The following CIMAP1D variants were observed in gnomAD, a reference collection of about 807,000 sequenced individuals.
CIMAP1D encodes protein CIMAP1D.
chr19:464,304 T>C, the CIMAP1D span: 4 of 1,541,298 alleles, frequency 2.6e-6, no homozygotes, highest in South Asian at 1.2e-5. Context: ...CGGTGTCCGA[T>C]GGCGCACAGG....
the CIMAP1D span, chr19:474,743 C>T: frequency 1.3e-6 from 2 of 1,530,262 alleles, no homozygotes; most frequent in South Asian, 2.5e-5. Flanking sequence ...GCTGAGGGTC[C>T]CCATGGTGGG....
the CIMAP1D span, among the ~76,000 whole-genome samples, chr19:475,606 C>T: frequency 6.6e-6 from 1 of 152,144 alleles, no homozygotes; most frequent in Non-Finnish European, 1.5e-5. Flanking sequence ...GAGAGCCGTC[C>T]TCACTGCCTC....
chr19:475,140 G>A, the CIMAP1D span, among the ~76,000 whole-genome samples: 4 of 152,184 alleles, frequency 2.6e-5, no homozygotes, highest in Non-Finnish European at 5.9e-5. Flanking sequence ...AGGGCCTGGC[G>A]GGGTCGTGGG....
chr19:467,799 G>A, the CIMAP1D span: 1 of 1,362,144 alleles, frequency 7.3e-7, no homozygotes, highest in Non-Finnish European at 1.0e-6. Context: ...GAGTGATTCT[G>A]AAGACAGTGC....
the CIMAP1D span, among the ~76,000 whole-genome samples, chr19:471,354 T>C: frequency 4.9e-3 from 738 of 152,132 alleles, 3 homozygotes; most frequent in Non-Finnish European, 4.6e-3. Flanking sequence ...TTCACCATGT[T>C]AGCCAGGATG....
At chr19:478,385 C>A in the CIMAP1D span, among the ~76,000 whole-genome samples, 6 of 96,650 alleles carry the variant, frequency 6.2e-5, no homozygotes, top group African/African-American at 1.0e-3. Context: ...CACCTGCCTC[C>A]GTTTCCCCAT....
the CIMAP1D span, among the ~76,000 whole-genome samples, chr19:488,374 T>C: frequency 2.0e-5 from 3 of 150,528 alleles, no homozygotes; most frequent in Admixed American, 1.3e-4. Flanking sequence ...TACAAACAAT[T>C]AGCCGGGCGT....
chr19:474,805 G>T, the CIMAP1D span: 2 of 1,353,686 alleles, frequency 1.5e-6, no homozygotes, highest in East Asian at 2.9e-5. Context: ...CTTCTGAGCC[G>T]CAGCAGCTCT....
chr19:478,439 T>G, the CIMAP1D span, among the ~76,000 whole-genome samples: 1 of 100,322 alleles, frequency 1.0e-5, no homozygotes, highest in African/African-American at 1.5e-4. Context: ...GAAGACAGGA[T>G]GGGAAGCCGG....
chr19:470,884 G>A, the CIMAP1D span, among the ~76,000 whole-genome samples: 3 of 152,340 alleles, frequency 2.0e-5, no homozygotes, highest in South Asian at 2.1e-4. Flanking sequence ...CACTGCGCCC[G>A]TTCTAGACAG....
At chr19:464,650 C>T in the CIMAP1D span, among the ~76,000 whole-genome samples, 1 of 152,216 alleles carries the variant, frequency 6.6e-6, no homozygotes, top group Non-Finnish European at 1.5e-5. Flanking sequence ...TTCCAGAGCC[C>T]CACAGCCTGG....
chr19:488,231 A>C, the CIMAP1D span, among the ~76,000 whole-genome samples: 2 of 136,614 alleles, frequency 1.5e-5, no homozygotes, highest in Non-Finnish European at 3.1e-5. Flanking sequence ...CTAAAAATAC[A>C]AAAAAAAAAG....
the CIMAP1D span, chr19:472,498 G>A: frequency 1.9e-5 from 29 of 1,540,650 alleles, no homozygotes; most frequent in South Asian, 1.3e-4. Context: ...GCCTGGCCCC[G>A]AGCCTGCAGC....
chr19:470,278 C>G, the CIMAP1D span, among the ~76,000 whole-genome samples: 91 of 150,740 alleles, frequency 6.0e-4, no homozygotes, highest in Middle Eastern at 3.4e-3. Context: ...ACAGTCTCAG[C>G]TCACTGCAAG....
the CIMAP1D span, among the ~76,000 whole-genome samples, chr19:465,861 T>C: frequency 2.1e-5 from 1 of 46,970 alleles, no homozygotes; most frequent in Admixed American, 2.7e-4. Context: ...GATGGATGGA[T>C]GGGTGGGTGG....
At chr19:486,671 TTGGGAGGC>T in the CIMAP1D span, among the ~76,000 whole-genome samples, 3 of 151,458 alleles carry the variant, frequency 2.0e-5, no homozygotes, top group African/African-American at 7.3e-5. Flanking sequence ...TCCCAGCACT[TTGGGAGGC>T]TGAGGCGAGC....
chr19:479,422 G>T, the CIMAP1D span, among the ~76,000 whole-genome samples: 2 of 142,272 alleles, frequency 1.4e-5, no homozygotes, highest in South Asian at 2.4e-4. Context: ...GGGGGGGGGG[G>T]GGATGGAGTT....
chr19:474,090 A>T, the CIMAP1D span, among the ~76,000 whole-genome samples: 3 of 152,136 alleles, frequency 2.0e-5, no homozygotes, highest in Non-Finnish European at 2.9e-5. Flanking sequence ...GCTTCTGCAG[A>T]ATCTCGATGC....
At chr19:485,785 G>T in the CIMAP1D span, among the ~76,000 whole-genome samples, 1 of 152,196 alleles carries the variant, frequency 6.6e-6, no homozygotes, top group Non-Finnish European at 1.5e-5. Flanking sequence ...CTGTGTCCCT[G>T]GCACACGGCA....
Sources: allele counts gnomAD v4.1 joint callset (sites outside exome capture counted in the v4.1 genomes callset), GRCh38; gene constraint gnomAD v4.1.1; transcripts MANE v1.5; gene names NCBI Gene and HGNC (gene_info 2026-07-23, HGNC 2026-07-21).